Variants in CLIC5 observed in about 807,000 individuals in gnomAD.
CLIC5 encodes the protein CLIC family member 5, also known as chloride intracellular channel protein 5.
In CLIC5, 20 loss-of-function variants were observed where a neutral mutation model predicts 24.7. The observed-to-expected ratio is 0.81, with a 90% CI of 0.57 to 1.18. CLIC5 has a LOEUF of 1.18. Ranked by LOEUF, CLIC5 falls within the 50% of genes most tolerant of loss-of-function variation. The pLI, the probability that CLIC5 is intolerant of heterozygous loss-of-function variation, is 0.00. For synonymous variants in CLIC5, 159 were observed against 135.6 expected, an observed-to-expected ratio of 1.17 and a Z score of -1.20; for missense variants, 341 against 326.1, an observed-to-expected ratio of 1.05 and a Z score of -0.35.
At chr6:45,964,602 AGT>A (rs1169936040) in intron 1 of CLIC5, among the ~76,000 whole-genome samples, 1 of 152,206 alleles carries the variant, frequency 6.6e-6, no homozygotes, top group Non-Finnish European at 1.5e-5. Context: ...GGTTCTCTGT[AGT>A]GTTCCAGCTA....
chr6:45,928,145 G>T (rs557457373), intron 4 of CLIC5, among the ~76,000 whole-genome samples: 1 of 152,298 alleles, frequency 6.6e-6, no homozygotes, highest in Admixed American at 6.5e-5. Context: ...TAAAGCCAAA[G>T]TTCCATGTAG....
the CLIC5 span, among the ~76,000 whole-genome samples, chr6:46,092,314 G>C: frequency 6.6e-6 from 1 of 152,178 alleles, no homozygotes; most frequent in Admixed American, 6.5e-5. Flanking sequence ...GGTGTCTTCT[G>C]AGACTTGCTA....
At chr6:46,000,402 C>T (rs1766311817) in intron 1 of CLIC5, among the ~76,000 whole-genome samples, 1 of 152,124 alleles carries the variant, frequency 6.6e-6, no homozygotes, top group Non-Finnish European at 1.5e-5. Context: ...TGATTTGTGA[C>T]TTCAGGGTCA....
the CLIC5 span, among the ~76,000 whole-genome samples, chr6:46,094,268 A>T: frequency 3.3e-4 from 50 of 152,292 alleles, no homozygotes; most frequent in South Asian, 9.1e-3. Context: ...GGCTCCTTCG[A>T]AATCTCATAT....
At chr6:45,995,631 A>G (rs1014712187) in intron 1 of CLIC5, among the ~76,000 whole-genome samples, 9 of 152,222 alleles carry the variant, frequency 5.9e-5, no homozygotes, top group Non-Finnish European at 1.2e-4. Flanking sequence ...TCCTAATGAG[A>G]CATTTAGAAG....
chr6:46,057,902 A>T (rs1768305301), intron 1 of CLIC5, among the ~76,000 whole-genome samples: 2 of 152,136 alleles, frequency 1.3e-5, no homozygotes, highest in South Asian at 2.1e-4. Flanking sequence ...ATACCCTCAC[A>T]TTACTGCTAC....
At chr6:45,916,800 T>A (rs1282840932) in intron 4 of CLIC5, among the ~76,000 whole-genome samples, 1 of 152,234 alleles carries the variant, frequency 6.6e-6, no homozygotes, top group Non-Finnish European at 1.5e-5. Context: ...ATGTTGCAAC[T>A]GTGACATTCC....
chr6:46,079,888 G>A (rs773552231), exon 1 of CLIC5: 14 of 1,551,952 alleles, frequency 9.0e-6, no homozygotes, highest in Non-Finnish European at 1.2e-5. Flanking sequence ...GCTGCGCAGA[G>A]TTGCTGGTCC....
the CLIC5 span, among the ~76,000 whole-genome samples, chr6:46,125,441 G>C: frequency 1.1e-4 from 16 of 152,246 alleles, no homozygotes; most frequent in African/African-American, 3.4e-4. Context: ...TGGGAGGAGA[G>C]GGGAGGGATA....
At chr6:46,108,032 C>CAAAAAAAAAA in the CLIC5 span, among the ~76,000 whole-genome samples, 213 of 33,294 alleles carry the variant, frequency 6.4e-3, 10 homozygotes, top group Non-Finnish European at 7.9e-3. Context: ...AAAACTCCAT[C>CAAAAAAAAAA]AAAAAAAAAA....
chr6:46,087,891 T>C, the CLIC5 span, among the ~76,000 whole-genome samples: 80 of 152,290 alleles, frequency 5.3e-4, no homozygotes, highest in Non-Finnish European at 9.7e-4. Context: ...AAATAACTAA[T>C]GAAGAATAAA....
At chr6:45,915,510 G>C (rs1379902669) in intron 4 of CLIC5, among the ~76,000 whole-genome samples, 1 of 152,084 alleles carries the variant, frequency 6.6e-6, no homozygotes, top group East Asian at 1.9e-4. Context: ...TACCAGGGAA[G>C]AACACTTGGG....
chr6:46,068,280 A>C (rs941878855), intron 1 of CLIC5, among the ~76,000 whole-genome samples: 2 of 152,170 alleles, frequency 1.3e-5, no homozygotes, highest in African/African-American at 2.4e-5. Context: ...CTGTTGTTTT[A>C]AAACACCATG....
intron 4 of CLIC5, among the ~76,000 whole-genome samples, chr6:45,930,100 G>A (rs1763670368): frequency 1.3e-5 from 2 of 152,054 alleles, no homozygotes. Flanking sequence ...CCACATCCTG[G>A]GAATCTGGAA....
the CLIC5 span, among the ~76,000 whole-genome samples, chr6:46,109,513 T>TAAAAAAAAAAA: frequency 2.1e-5 from 1 of 47,166 alleles, no homozygotes; most frequent in African/African-American, 1.0e-4. Context: ...CAGTCTCCAC[T>TAAAAAAAAAAA]AAAAAAAAAA....
chr6:45,955,159 T>C lies in CLIC5; in HGVS notation c.149A>G (p.Asn50Ser), dbSNP rs775053611. The change falls in exon 2 of 6, where the codon AAT becomes AGT. Residue 50 changes from asparagine (N) to serine (S), a missense_variant. Coordinates refer to ENST00000339561, the MANE Select transcript of CLIC5 (RefSeq NM_016929.5). ...CCTTTTCAGATCCACAGTGGTGACA[T>C]TGAACACGACTCCTTTCAGCCAGAG... ...MILWLKGVVFNVTTVDLKRKP... is the reference protein window; with the variant it reads ...MILWLKGVVFSVTTVDLKRKP... 7 of 1,613,494 alleles carry C rather than the reference T, an allele frequency of 4.3e-6. No individual in the cohort carries two copies. The highest frequency in any genetic ancestry group is 1.1e-5 in the South Asian group (1 of 91,070).
intron 1 of CLIC5, among the ~76,000 whole-genome samples, chr6:46,028,125 T>C (rs1767393102): frequency 6.6e-6 from 1 of 152,000 alleles, no homozygotes; most frequent in Non-Finnish European, 1.5e-5. Context: ...GTGGAAAGAG[T>C]CAAACTGCTG....
At chr6:46,080,544 A>T (rs1033042384), upstream of CLIC5, among the ~76,000 whole-genome samples, 1 of 152,204 alleles carries the variant, frequency 6.6e-6, no homozygotes, top group African/African-American at 2.4e-5. Flanking sequence ...TTCTTTGGGT[A>T]AGCCAGAGAT....
chr6:45,951,233 A>T (rs1384072124), intron 2 of CLIC5, among the ~76,000 whole-genome samples: 2 of 152,168 alleles, frequency 1.3e-5, no homozygotes, highest in Non-Finnish European at 2.9e-5. Flanking sequence ...GCAACAGTGC[A>T]TTTCTCCCCC....
Sources: allele counts gnomAD v4.1 joint callset (sites outside exome capture counted in the v4.1 genomes callset), GRCh38; gene constraint gnomAD v4.1.1; transcripts MANE v1.5; gene names NCBI Gene and HGNC (gene_info 2026-07-23, HGNC 2026-07-21).